Variants in ASXL3 observed in about 807,000 individuals in gnomAD.
ASXL3 encodes ASXL transcriptional regulator 3, also known as putative Polycomb group protein ASXL3.
ASXL3 carries 34 observed loss-of-function variants against 170.6 expected under a neutral mutation model. The observed-to-expected ratio is 0.20, with a 90% CI of 0.15 to 0.27. The LOEUF (loss-of-function observed/expected upper bound fraction) is 0.27, where lower values mean the gene tolerates loss of function less well. ASXL3 is among the 10% of genes least tolerant of loss of function. The pLI is 1.00. For missense variants in ASXL3, 2,592 were observed against 2,695.3 expected (o/e 0.96, Z 0.85); for synonymous variants, 1,002 against 989.1 (o/e 1.01, Z -0.24).
At chr18:33,673,655 G>A (rs2066382577) in intron 7 of ASXL3, among the ~76,000 whole-genome samples, 1 of 152,130 alleles carries the variant, frequency 6.6e-6, no homozygotes, top group South Asian at 2.1e-4. Flanking sequence ...GGGCCACCAT[G>A]CCTGGCCCAG....
chr18:33,578,760 C>T, intron 1 of ASXL3, 75 bp downstream of exon 1: 4 of 959,994 alleles, frequency 4.2e-6, no homozygotes, highest in African/African-American at 1.8e-5. Flanking sequence ...TCCGCGGCGG[C>T]GGAGACGGCC....
chr18:33,658,575 T>A (rs1366405499), intron 4 of ASXL3, among the ~76,000 whole-genome samples: 2 of 152,164 alleles, frequency 1.3e-5, no homozygotes, highest in Non-Finnish European at 2.9e-5. Context: ...TCTTTCCTGA[T>A]TTTTTGTTCT....
intron 2 of ASXL3, among the ~76,000 whole-genome samples, chr18:33,618,203 T>A (rs2065457421): frequency 6.6e-6 from 1 of 152,136 alleles, no homozygotes; most frequent in Non-Finnish European, 1.5e-5. Context: ...ATTAAAAGAC[T>A]ATTTATCCTT....
Position 33,743,002 on chromosome 18 carries a change from A to G in ASXL3, c.3154A>G (p.Arg1052Gly), listed in dbSNP as rs754176262. The change falls in exon 12 of 12, where the codon AGG becomes GGG. Residue 1052 changes from arginine to glycine, a missense_variant. Arg to Gly is a moderately radical substitution (Grantham distance 125, BLOSUM62 -2). Coordinates refer to ENST00000269197, the MANE Select transcript of ASXL3 (RefSeq NM_030632.3). Reference protein sequence around the residue: ...SVSGGRNTGARTLADIKARAQ... With the variant: ...SVSGGRNTGAGTLADIKARAQ... ...CAGTGGCGGGAGGAACACAGGAGCC[A>G]GGACCCTCGCAGATATCAAGGCCCG... is the stretch of plus-strand genomic sequence containing the variant. 1 of 1,613,850 alleles carries G rather than the reference A, an allele frequency of 6.2e-7. No individual in the cohort carries two copies. Among genetic ancestry groups the G allele is most frequent in the Non-Finnish European group, 8.5e-7 (1 of 1,179,814 alleles).
rs1479071769 is a variant in ASXL3 at position 33,746,845 on chromosome 18, C to T, written c.*250C>T. 11 of 510,436 alleles carry T rather than the reference C, an allele frequency of 2.2e-5. No individual in the cohort carries two copies. The East Asian group carries it at 3.7e-4, about 17-fold the overall frequency. The allele number at this position is 510,436 out of a possible 1,614,324, so 31.6% of individuals were successfully genotyped here. A position where few individuals can be genotyped will look rare whatever the true frequency, so the allele number is the denominator to read the frequency against. ...CTAGCTTTGGAAAGTTTCTATCTGTCCATGTGTATACAAGTCAATGCCCCA... is the reference window on the plus strand; with the variant it reads ...CTAGCTTTGGAAAGTTTCTATCTGTTCATGTGTATACAAGTCAATGCCCCA... On this transcript the variant is annotated 3_prime_UTR_variant, in exon 12 of 12. Coordinates refer to ENST00000269197, the MANE Select transcript of ASXL3 (RefSeq NM_030632.3).
intron 9 of ASXL3, among the ~76,000 whole-genome samples, chr18:33,734,013 G>T (rs2067499503): frequency 8.6e-6 from 1 of 116,808 alleles, no homozygotes; most frequent in African/African-American, 4.4e-5. Context: ...TCTTTTATTT[G>T]TAGCCCCTAG....
At chr18:33,721,592 C>A (rs1287501490) in intron 8 of ASXL3, among the ~76,000 whole-genome samples, 1 of 152,020 alleles carries the variant, frequency 6.6e-6, no homozygotes, top group East Asian at 1.9e-4. Context: ...CTTTAAAACT[C>A]CATCATAACA....
At chr18:33,653,757 G>A (rs187405057) in intron 4 of ASXL3, among the ~76,000 whole-genome samples, 6 of 151,966 alleles carry the variant, frequency 3.9e-5, no homozygotes, top group East Asian at 1.9e-4. Flanking sequence ...GATAGAAATC[G>A]CACAGTCCCC....
intron 7 of ASXL3, 22 bp downstream of exon 7, chr18:33,671,888 C>G: frequency 6.8e-7 from 1 of 1,480,680 alleles, no homozygotes; most frequent in East Asian, 2.5e-5. Context: ...ATAGACTATG[C>G]CATTTCACAT....
At chr18:33,590,426 G>A (rs532364684) in intron 1 of ASXL3, among the ~76,000 whole-genome samples, 1 of 152,128 alleles carries the variant, frequency 6.6e-6, no homozygotes, top group African/African-American at 2.4e-5. Flanking sequence ...CATGTAGAGA[G>A]GAGGAAAATT....
At chr18:33,594,211 G>A (rs147626846) in intron 1 of ASXL3, among the ~76,000 whole-genome samples, 213 of 152,252 alleles carry the variant, frequency 1.4e-3, no homozygotes, top group African/African-American at 4.9e-3. Flanking sequence ...ATGCTGAATG[G>A]CAACCTCTGG....
Position 33,744,739 on chromosome 18 carries a change from A to G in ASXL3, c.4891A>G (p.Lys1631Glu). Residue 1631 changes from lysine to glutamate, a missense_variant, in exon 12 of 12, where the codon AAA becomes GAA. Around this residue, in one of 4 missense-constraint regions of ASXL3, gnomAD observed 2,246 missense variants for 2,219.6 expected, o/e 1.01. Coordinates refer to ENST00000269197, the MANE Select transcript of ASXL3 (RefSeq NM_030632.3). ...TACTCACTCGGGTTCAAGTAAACAA[A>G]AAGAATATCTAGAGCAAAGCTGTCC... ...LVTHSGSSKQ[K>E]EYLEQSCPKA... 6.2e-7 allele frequency: 1 copy of G among 1,613,962 alleles called. No homozygotes were observed. Among genetic ancestry groups the G allele is most frequent in the East Asian group, 2.2e-5 (1 of 44,878 alleles).
At chr18:33,713,686 G>A (rs149385761) in intron 8 of ASXL3, among the ~76,000 whole-genome samples, 475 of 152,304 alleles carry the variant, frequency 3.1e-3, no homozygotes, top group Admixed American at 4.8e-3. Context: ...ATAACGGGGC[G>A]TAGGCCATCT....
chr18:33,610,781 A>G (rs1267369028), intron 2 of ASXL3, among the ~76,000 whole-genome samples: 3 of 151,326 alleles, frequency 2.0e-5, no homozygotes, highest in African/African-American at 7.3e-5. Flanking sequence ...TCTTTTTGAC[A>G]TTACATGTTA....
At chr18:33,716,544 T>C (rs2067168568) in intron 8 of ASXL3, among the ~76,000 whole-genome samples, 1 of 152,168 alleles carries the variant, frequency 6.6e-6, no homozygotes, top group Non-Finnish European at 1.5e-5. Flanking sequence ...GCTTTCTCTA[T>C]TACTAATGAA....
At chr18:33,583,027 G>T (rs1426923704) in intron 1 of ASXL3, among the ~76,000 whole-genome samples, 1 of 152,022 alleles carries the variant, frequency 6.6e-6, no homozygotes, top group African/African-American at 2.4e-5. Flanking sequence ...TAAACTGTTA[G>T]GATTTCTATA....
chr18:33,739,618 T>C lies in ASXL3; in HGVS notation c.2214T>C (p.Ser738=). ...CAGTGTCTTCCATGCTTCTCACCTC[T>C]GAGACCACTTTTGTATCCAGTTTGC... ...TSSVSSMLLT[S]ETTFVSSLPL... is the part of the protein sequence containing the mutation. The change falls in exon 11 of 12, where the codon TCT becomes TCC. Residue 738 remains serine (S), a synonymous_variant. Coordinates refer to ENST00000269197, the MANE Select transcript of ASXL3 (RefSeq NM_030632.3). 6.2e-7 allele frequency: 1 copy of C among 1,613,982 alleles called. No homozygotes were observed. Among genetic ancestry groups the C allele is most frequent in the East Asian group, 2.2e-5 (1 of 44,868 alleles).
intron 1 of ASXL3, among the ~76,000 whole-genome samples, chr18:33,600,791 T>C (rs1254558048): frequency 6.6e-6 from 1 of 152,158 alleles, no homozygotes; most frequent in Non-Finnish European, 1.5e-5. Flanking sequence ...ACCATGTCTT[T>C]CAGCTGTGCT....
intron 5 of ASXL3, among the ~76,000 whole-genome samples, chr18:33,670,080 G>C (rs555018323): frequency 6.6e-6 from 1 of 152,232 alleles, no homozygotes; most frequent in East Asian, 1.9e-4. Flanking sequence ...AAGTCAAGCA[G>C]ACAGAAGCCA....
Sources: gnomAD v4.1 joint callset for allele counts (sites outside exome capture counted in the v4.1 genomes callset) on GRCh38, gnomAD v4.1.1 for gene constraint, gnomAD v4.1.1 regional missense constraint, MANE v1.5 for transcripts, NCBI Gene and HGNC (gene_info 2026-07-23, HGNC 2026-07-21) for gene names.